Variants in GARNL3 observed in about 807,000 individuals in gnomAD.
GARNL3 encodes GTPase activating Rap/RanGAP domain like 3, also known as GTPase-activating Rap/Ran-GAP domain-like protein 3.
Under a neutral mutation model 125.0 loss-of-function variants are expected in GARNL3, and 63 were observed. The observed-to-expected ratio is 0.50, with a 90% CI of 0.41 to 0.62. GARNL3 has a LOEUF of 0.62. GARNL3 is among the 20% of genes least tolerant of loss of function. The pLI is 0.00. For missense variants in GARNL3, 994 were observed against 1,244.0 expected, an observed-to-expected ratio of 0.80 and a Z score of 3.02; for synonymous variants, 439 against 457.5, an observed-to-expected ratio of 0.96 and a Z score of 0.52.
intron 21 of GARNL3, among the ~76,000 whole-genome samples, chr9:127,359,297 C>G (rs1453176673): frequency 4.6e-5 from 7 of 152,214 alleles, no homozygotes; most frequent in East Asian, 1.9e-4. Context: ...CGAGACCAGC[C>G]TGGCCAACAT....
chr9:127,339,706 G>A lies in GARNL3; in HGVS notation c.1090G>A (p.Val364Met). ...LFGPPLPTPP[V>M]FTDHQEFRDF... ...TGGCCCTCCCTTGCCAACTCCACCAGTGTTTACAGACCACCAGGAATTCAG... is the reference window on the plus strand; with the variant it reads ...TGGCCCTCCCTTGCCAACTCCACCAATGTTTACAGACCACCAGGAATTCAG... The change falls in exon 13 of 28, where the codon GTG (valine) becomes ATG (methionine). Residue 364 changes from valine (V) to methionine (M), a missense_variant. Around this residue, in one of 5 missense-constraint regions of GARNL3, gnomAD observed 728 missense variants for 865.7 expected, o/e 0.84. Transcript: ENST00000373387. The A allele has an allele frequency of 6.2e-7, 1 of 1,613,916 alleles. No homozygotes were observed. The highest frequency in any genetic ancestry group is 8.5e-7 in the Non-Finnish European group (1 of 1,179,800).
At chr9:127,365,218 C>T in intron 21 of GARNL3, 82 bp from the exon 22 acceptor site, 1 of 1,229,170 alleles carries the variant, frequency 8.1e-7, no homozygotes, top group South Asian at 1.2e-5. Flanking sequence ...CCTCGGCCTC[C>T]ACAAATGCTC....
chr9:127,250,528 G>A (rs2063382513), intron 2 of GARNL3, among the ~76,000 whole-genome samples: 1 of 152,138 alleles, frequency 6.6e-6, no homozygotes, highest in Admixed American at 6.5e-5. Flanking sequence ...GTCTGATTAG[G>A]GGCACATGAT....
rs1403460059 is a variant in GARNL3 at position 127,390,696 on chromosome 9, A to C, written c.2799A>C (p.Lys933Asn). 1 of 1,613,782 alleles carries C rather than the reference A, an allele frequency of 6.2e-7. No individual in the cohort carries two copies. The highest frequency in any genetic ancestry group is 1.3e-5 in the African/African-American group (1 of 74,864). ...AAGGAGCGCCAAAGGCCAAATCAAAACCCCGGAAGCGGTTAGAAGAAAGCC... is the reference window on the plus strand; with the variant it reads ...AAGGAGCGCCAAAGGCCAAATCAAACCCCCGGAAGCGGTTAGAAGAAAGCC... Reference protein sequence around the residue: ...KSEGAPKAKSKPRKRLEESQG... With the variant: ...KSEGAPKAKSNPRKRLEESQG... Residue 933 changes from lysine to asparagine, a missense_variant, in exon 27 of 28, where the codon AAA becomes AAC. Physicochemically the swap from Lys to Asn is moderately conservative, Grantham distance 94. This residue lies in a region of GARNL3 where 728 missense variants were observed against 865.7 expected (regional missense o/e 0.84). Coordinates refer to ENST00000373387, the MANE Select transcript of GARNL3 (RefSeq NM_032293.5).
chr9:127,247,987 A>G (rs1180485275), intron 2 of GARNL3, among the ~76,000 whole-genome samples: 1 of 152,132 alleles, frequency 6.6e-6, no homozygotes, highest in Non-Finnish European at 1.5e-5. Context: ...CATGAGTTCA[A>G]TTATTTTAAT....
rs139080795 is a variant in GARNL3 at position 127,350,640 on chromosome 9, G to A, written c.1543+1605G>A. On this transcript the variant is annotated intron_variant, in intron 17 of 27. Coordinates refer to ENST00000373387, the MANE Select transcript of GARNL3 (RefSeq NM_032293.5). ...AAAATACAAAAATTAGCCGGATGTG[G>A]TGGCGGATGCCTGTAGTCCCAGCTG... 2.2e-3 allele frequency among the ~76,000 whole-genome samples: 333 copies of A among 152,072 alleles called. 5 individuals are homozygous for A. The highest frequency in any genetic ancestry group is 7.7e-3 in the African/African-American group (319 of 41,470).
Position 127,339,757 on chromosome 9 carries a change from T to C in GARNL3, c.1135+6T>C. The C allele has an allele frequency of 6.3e-7, 1 of 1,587,560 alleles. No homozygotes were observed. Among genetic ancestry groups the C allele is most frequent in the Non-Finnish European group, 8.7e-7 (1 of 1,155,692 alleles). On this transcript the variant is annotated splice_donor_region_variant and intron_variant, in intron 13 of 27. Transcript: ENST00000373387. ...GGACTTTTTGCTAGTGAAATGTAAG[T>C]TTCTGTTTTGAAACAATTTTGCAAC...
intron 12 of GARNL3, among the ~76,000 whole-genome samples, chr9:127,338,703 T>C (rs1564154929): frequency 6.6e-6 from 1 of 152,206 alleles, no homozygotes; most frequent in Non-Finnish European, 1.5e-5. Flanking sequence ...GTATGCTGCC[T>C]GGTATGCAGC....
At chr9:127,366,164 T>C (rs1831277663) in intron 22 of GARNL3, among the ~76,000 whole-genome samples, 1 of 152,208 alleles carries the variant, frequency 6.6e-6, no homozygotes, top group South Asian at 2.1e-4. Context: ...GTGGTAATGC[T>C]GGGTCAGATG....
chr9:127,384,585 G>T lies in GARNL3; in HGVS notation c.2270-442G>T, dbSNP rs1832443325. Among the ~76,000 whole-genome samples the T allele has an allele frequency of 6.6e-6, 1 of 152,208 alleles. No individual in the cohort carries two copies. The highest frequency in any genetic ancestry group is 1.5e-5 in the Non-Finnish European group (1 of 68,030). On this transcript the variant is annotated intron_variant, in intron 23 of 27. Coordinates refer to ENST00000373387, the MANE Select transcript of GARNL3 (RefSeq NM_032293.5). The surrounding 1 kb of genome is among the most constrained non-coding windows in gnomAD (Gnocchi z 4.0). Reference sequence around the variant, plus strand: ...GTGCAGCTGGAGGAGCACATGGGAGGAGCGAGGAGCACTGAGGGACACCAG... The same window carrying T: ...GTGCAGCTGGAGGAGCACATGGGAGTAGCGAGGAGCACTGAGGGACACCAG...
intron 16 of GARNL3, among the ~76,000 whole-genome samples, chr9:127,346,811 C>T (rs945145574): frequency 1.3e-5 from 2 of 152,156 alleles, no homozygotes; most frequent in East Asian, 3.9e-4. Flanking sequence ...CCAGAGAACC[C>T]GGCTTTGCCC....
chr9:127,286,758 A>G (rs552401242), intron 1 of GARNL3, among the ~76,000 whole-genome samples: 11 of 152,344 alleles, frequency 7.2e-5, no homozygotes, highest in Admixed American at 2.0e-4. Flanking sequence ...TGTCTTGTAG[A>G]ACATTTTCTC....
intron 2 of GARNL3, chr9:127,300,587 T>G: frequency 3.2e-6 from 1 of 309,030 alleles, no homozygotes; most frequent in Middle Eastern, 1.2e-3. Flanking sequence ...CCAGAGTAGC[T>G]GGGACTACAG....
At chr9:127,244,206 A>G (rs1367466795) in intron 2 of GARNL3, among the ~76,000 whole-genome samples, 1 of 152,218 alleles carries the variant, frequency 6.6e-6, no homozygotes, top group Non-Finnish European at 1.5e-5. Flanking sequence ...CAGACAAGTC[A>G]CCAGGTCACA....
intron 22 of GARNL3, among the ~76,000 whole-genome samples, chr9:127,375,455 GAC>G: frequency 7.0e-6 from 1 of 142,576 alleles, no homozygotes; most frequent in South Asian, 2.2e-4. Context: ...GACAGAGCAA[GAC>G]TCTGTCTCAG....
chr9:127,354,118 G>A (rs10987605), intron 18 of GARNL3, among the ~76,000 whole-genome samples, 174 bp downstream of exon 18: 30,681 of 152,080 alleles, frequency 0.2, 4,015 homozygotes, highest in Admixed American at 0.36. Context: ...GAGGGAAGCC[G>A]TTGGGGGAAA....
Position 127,385,131 on chromosome 9 carries a change from C to T in GARNL3, c.2374C>T (p.Leu792=), listed in dbSNP as rs773778669. 2.9e-5 allele frequency: 47 copies of T among 1,603,300 alleles called. No homozygotes were observed. Among genetic ancestry groups the T allele is most frequent in the Non-Finnish European group, 3.7e-5 (43 of 1,173,144 alleles). Residue 792 remains leucine, a synonymous_variant, in exon 24 of 28, where the codon CTG becomes TTG. Transcript: ENST00000373387. The surrounding 1 kb of genome is among the most constrained non-coding windows in gnomAD (Gnocchi z 4.1). ...VHTAVVPQLQ[L]VASRSDIYFT... ...CACTGCAGTCGTGCCGCAGCTGCAG[C>T]TGGTGGCCTCCAGGGTGAGTAGGAC...
chr9:127,234,380 G>C (rs1455726889), intron 1 of GARNL3, among the ~76,000 whole-genome samples: 1 of 152,174 alleles, frequency 6.6e-6, no homozygotes, highest in East Asian at 1.9e-4. Flanking sequence ...CAGTGCTGTA[G>C]GAAAATTATA....
chr9:127,262,319 T>C (rs1046493437), upstream of GARNL3, among the ~76,000 whole-genome samples: 1 of 152,362 alleles, frequency 6.6e-6, no homozygotes, highest in South Asian at 2.1e-4. Flanking sequence ...TCCATACAGA[T>C]GTTCTTCATG....
Sources: allele counts gnomAD v4.1 joint callset (sites outside exome capture counted in the v4.1 genomes callset), GRCh38; gene constraint gnomAD v4.1.1; regional missense constraint gnomAD v4.1.1; non-coding constraint Gnocchi (gnomAD v3.1); transcripts MANE v1.5; gene names NCBI Gene and HGNC (gene_info 2026-07-23, HGNC 2026-07-21).